The following ACOXL variants were observed in gnomAD, a reference collection of about 807,000 sequenced individuals.
ACOXL encodes acyl-CoA oxidase like, also known as acyl-coenzyme A oxidase-like protein.
In ACOXL, 70 loss-of-function variants were observed where a neutral mutation model predicts 71.9. That is an observed-to-expected ratio of 0.97 (90% confidence interval 0.80 to 1.19). The LOEUF (loss-of-function observed/expected upper bound fraction) is 1.19. ACOXL is among the 50% of genes most tolerant of loss of function. The probability of loss-of-function intolerance (pLI) is 0.00; values close to 1 mark genes in which losing one functional copy is unlikely to be tolerated. For synonymous variants in ACOXL, 253 were observed against 281.6 expected (o/e 0.90, Z 1.02); for missense variants, 703 against 736.3 (o/e 0.95, Z 0.52).
chr2:110,792,459 C>T (rs926531382), intron 3 of ACOXL, among the ~76,000 whole-genome samples: 2 of 152,154 alleles, frequency 1.3e-5, no homozygotes, highest in Non-Finnish European at 2.9e-5. Flanking sequence ...TTGTCTTCCT[C>T]CTTCTCTTTG....
intron 10 of ACOXL, among the ~76,000 whole-genome samples, chr2:110,892,079 C>T (rs1351078821): frequency 1.3e-5 from 2 of 152,060 alleles, no homozygotes; most frequent in African/African-American, 4.8e-5. Context: ...TTGTCACAGG[C>T]ATAATACATT....
chr2:111,099,307 T>C (rs2068987185), intron 17 of ACOXL: 1 of 152,266 alleles, frequency 6.6e-6, no homozygotes, highest in African/African-American at 2.4e-5. Flanking sequence ...CTAATGCCTA[T>C]TCTTTTGTCT....
At chr2:111,037,135 G>A (rs935629866) in intron 15 of ACOXL, among the ~76,000 whole-genome samples, 9 of 152,148 alleles carry the variant, frequency 5.9e-5, no homozygotes, top group South Asian at 2.1e-4. Context: ...GGTTGTGCCC[G>A]TCGGTCTTCA....
chr2:110,827,271 G>A (rs1035840348), intron 9 of ACOXL, among the ~76,000 whole-genome samples: 3 of 152,156 alleles, frequency 2.0e-5, no homozygotes, highest in Admixed American at 6.5e-5. Context: ...AAAGAGGGAC[G>A]GATAAAAGCC....
At chr2:111,020,971 T>C (rs927898368) in intron 14 of ACOXL, among the ~76,000 whole-genome samples, 1 of 152,220 alleles carries the variant, frequency 6.6e-6, no homozygotes, top group Non-Finnish European at 1.5e-5. Flanking sequence ...CATAGCATTA[T>C]CAATGCCATC....
At chr2:110,944,755 A>G (rs1433907169) in intron 12 of ACOXL, among the ~76,000 whole-genome samples, 4 of 152,182 alleles carry the variant, frequency 2.6e-5, no homozygotes, top group Admixed American at 6.5e-5. Context: ...ATTGATGGGC[A>G]TTTAGGTTGA....
chr2:110,906,058 TC>T (rs2059429497), intron 10 of ACOXL, among the ~76,000 whole-genome samples: 1 of 152,020 alleles, frequency 6.6e-6, no homozygotes, highest in Admixed American at 6.5e-5. Flanking sequence ...GCACAACAGG[TC>T]GGGGTCAGAT....
intron 10 of ACOXL, among the ~76,000 whole-genome samples, chr2:110,898,693 C>T (rs559405376): frequency 2.7e-4 from 41 of 152,326 alleles, no homozygotes; most frequent in African/African-American, 9.9e-4. Flanking sequence ...GCAACGATGT[C>T]TGCTCTTGCT....
intron 14 of ACOXL, among the ~76,000 whole-genome samples, chr2:111,026,279 G>A (rs997398641): frequency 6.6e-5 from 10 of 151,988 alleles, no homozygotes; most frequent in African/African-American, 2.4e-4. Flanking sequence ...TAATTAGCTT[G>A]TATGGTTCTA....
intron 12 of ACOXL, among the ~76,000 whole-genome samples, chr2:110,979,998 TCA>T: frequency 6.6e-6 from 1 of 152,086 alleles, no homozygotes; most frequent in South Asian, 2.1e-4. Flanking sequence ...ATGGGGTGAG[TCA>T]CAGAGCCTTG....
intron 11 of ACOXL, among the ~76,000 whole-genome samples, chr2:110,932,346 T>G (rs1216443101): frequency 6.6e-6 from 1 of 152,210 alleles, no homozygotes; most frequent in Non-Finnish European, 1.5e-5. Flanking sequence ...TGTACGGTTG[T>G]CAAAACTCTT....
At chr2:111,108,420 C>G (rs563956742) in intron 17 of ACOXL, among the ~76,000 whole-genome samples, 5 of 113,438 alleles carry the variant, frequency 4.4e-5, no homozygotes, top group Non-Finnish European at 1.7e-5. Context: ...CTCTTGCTGC[C>G]GAGGCTGGAG....
At chr2:110,839,644 G>GC (rs1690891815) in intron 9 of ACOXL, among the ~76,000 whole-genome samples, 2 of 152,170 alleles carry the variant, frequency 1.3e-5, no homozygotes, top group African/African-American at 4.8e-5. Context: ...TTGGATGCCT[G>GC]CAGTGGTATG....
chr2:110,972,322 T>C (rs929010882), intron 12 of ACOXL, among the ~76,000 whole-genome samples: 2 of 152,188 alleles, frequency 1.3e-5, no homozygotes, highest in African/African-American at 4.8e-5. Flanking sequence ...TACAGTCTGC[T>C]AAGAAAGAGA....
At position 110,854,401 on chromosome 2, in the gene ACOXL, C is replaced by G. The variant is rs540582655; in HGVS notation, c.788+12996C>G. On this transcript the variant is annotated intron_variant, in intron 10 of 17. Transcript: ENST00000439055. ...CCAGGTGGACTTGGGGATTCAAACTCAGGCCTCTGACTCCCAGCAGAAGAC... is the reference window on the plus strand; with the variant it reads ...CCAGGTGGACTTGGGGATTCAAACTGAGGCCTCTGACTCCCAGCAGAAGAC... Among the ~76,000 whole-genome samples the G allele has an allele frequency of 2.0e-5, 3 of 152,264 alleles. No individual in the cohort carries two copies. The East Asian group carries it at 5.8e-4, about 29-fold the overall frequency.
intron 14 of ACOXL, 87 bp downstream of exon 14, chr2:110,996,091 G>A: frequency 8.9e-7 from 1 of 1,126,996 alleles, no homozygotes; most frequent in Admixed American, 1.8e-5. Flanking sequence ...GTTTAGTAGA[G>A]GATGAGTCAG....
intron 12 of ACOXL, chr2:110,968,303 A>G: frequency 8.3e-7 from 1 of 1,205,450 alleles, no homozygotes. Context: ...ACCACTGGCA[A>G]TAAATTTTTT....
intron 10 of ACOXL, among the ~76,000 whole-genome samples, chr2:110,903,079 C>A (rs76276755): frequency 1.3e-5 from 2 of 152,198 alleles, no homozygotes; most frequent in Non-Finnish European, 2.9e-5. Context: ...TAAGAAGTCT[C>A]AGAGTCCAGG....
chr2:110,995,689 A>C (rs1427159322), intron 13 of ACOXL, among the ~76,000 whole-genome samples: 2 of 152,070 alleles, frequency 1.3e-5, no homozygotes, highest in African/African-American at 2.4e-5. Flanking sequence ...CACAAGGACA[A>C]CCACCTAGAA....
Sources: allele counts gnomAD v4.1 joint callset (sites outside exome capture counted in the v4.1 genomes callset), GRCh38; gene constraint gnomAD v4.1.1; transcripts MANE v1.5; gene names NCBI Gene and HGNC (gene_info 2026-07-23, HGNC 2026-07-21).